The following NOP53 variants were observed in gnomAD, a reference collection of about 807,000 sequenced individuals.
NOP53 encodes ribosome biogenesis protein NOP53.
Under a neutral mutation model 61.0 loss-of-function variants are expected in NOP53, and 40 were observed. That is an observed-to-expected ratio of 0.66 (90% confidence interval 0.51 to 0.85). The LOEUF (loss-of-function observed/expected upper bound fraction) is 0.85, where lower values mean the gene tolerates loss of function less well. NOP53 is among the 40% of genes least tolerant of loss of function. The pLI is 0.00. For missense variants in NOP53, 689 were observed against 652.9 expected, an observed-to-expected ratio of 1.06 and a Z score of -0.60; for synonymous variants, 308 against 289.5, an observed-to-expected ratio of 1.06 and a Z score of -0.65.
rs778558768 is a variant in NOP53, at chr19:47,755,742, G to A, written c.1230-14G>A. The A allele has an allele frequency of 3.6e-5, 57 of 1,605,096 alleles. No homozygotes were observed. Among genetic ancestry groups the A allele is most frequent in the Non-Finnish European group, 4.6e-5 (54 of 1,176,476 alleles). ...GCGGGGGTGATATTTCTGAACACCC[G>A]CCCTGTTCTGCAGGTACCAGGCACC... On this transcript the variant is annotated splice_polypyrimidine_tract_variant and intron_variant, in intron 9 of 12. Transcript: ENST00000246802.
intron 2 of NOP53, among the ~76,000 whole-genome samples, chr19:47,748,573 A>G (rs1245768206): frequency 1.3e-5 from 2 of 152,072 alleles, no homozygotes; most frequent in African/African-American, 2.4e-5. Flanking sequence ...CCTGAGGTAC[A>G]GGAGACTTCC....
chr19:47,746,108 GTGTA>G (rs1285630661), intron 1 of NOP53: 15 of 381,420 alleles, frequency 3.9e-5, no homozygotes, highest in Non-Finnish European at 6.7e-5. Flanking sequence ...ATGTGTGTGT[GTGTA>G]TGTATATATG....
chr19:47,749,045 C>T (rs916965949), intron 2 of NOP53, among the ~76,000 whole-genome samples: 1 of 151,566 alleles, frequency 6.6e-6, no homozygotes, highest in African/African-American at 2.4e-5. Context: ...CCTGTAATTC[C>T]AGCTACTCAG....
intron 2 of NOP53, among the ~76,000 whole-genome samples, chr19:47,749,758 T>G (rs374852887): frequency 0.086 from 12,987 of 151,794 alleles, 753 homozygotes; most frequent in Non-Finnish European, 0.12. Flanking sequence ...CTTTTTTTTT[T>G]CCCCCTGAGA....
At chr19:47,751,684 C>T (rs1568599182) in intron 5 of NOP53, 94 bp downstream of exon 5, 2 of 987,306 alleles carry the variant, frequency 2.0e-6, no homozygotes, top group Non-Finnish European at 3.2e-6. Flanking sequence ...TCTCAGAGCC[C>T]TTCCATCCCA....
rs1568600899 is a variant in NOP53, at chr19:47,755,798, G to C, written c.1272G>C (p.Leu424=). ...TCGACGTGCAGCTGAGCTCGGAGCTGACAGACTCGCTCAGGACCCTGAAGG... is the reference window on the plus strand; with the variant it reads ...TCGACGTGCAGCTGAGCTCGGAGCTCACAGACTCGCTCAGGACCCTGAAGG... ...PDIDVQLSSE[L]TDSLRTLKPE... The change falls in exon 10 of 13, where the codon CTG becomes CTC. Residue 424 remains leucine, a synonymous_variant. Coordinates refer to ENST00000246802, the MANE Select transcript of NOP53 (RefSeq NM_015710.5). 2 of 1,610,342 alleles carry C rather than the reference G, an allele frequency of 1.2e-6. No individual in the cohort carries two copies. The highest frequency in any genetic ancestry group is 2.2e-5 in the East Asian group (1 of 44,764).
chr19:47,749,912 A>G (rs756323712), intron 2 of NOP53, among the ~76,000 whole-genome samples: 9 of 151,968 alleles, frequency 5.9e-5, no homozygotes, highest in Non-Finnish European at 1.2e-4. Flanking sequence ...AGACCCTCCT[A>G]TGTGGCTGTG....
intron 8 of NOP53, among the ~76,000 whole-genome samples, 173 bp from the exon 9 acceptor site, chr19:47,755,175 G>A (rs1334332864): frequency 1.3e-5 from 2 of 152,162 alleles, no homozygotes; most frequent in Admixed American, 6.5e-5. Context: ...ATGACAAAAG[G>A]GGCTTCAGCA....
rs1599915095 is a variant in NOP53 at position 47,750,032 on chromosome 19, C to T, written c.290-146C>T. On this transcript the variant is annotated intron_variant, in intron 2 of 12. Transcript: ENST00000246802. ...TGGGCCCCATCCTTAGGGGCCTCTA[C>T]CTCCAGGTAGGAGCCTGGGGACCTC... is the stretch of plus-strand genomic sequence containing the variant. 1.6e-5 allele frequency: 9 copies of T among 559,892 alleles called. No individual in the cohort carries two copies. The East Asian group carries it at 2.5e-4, about 15-fold the overall frequency. 34.7% of individuals were successfully genotyped at this position (559,892 alleles called of 1,614,324 possible). A position where few individuals can be genotyped will look rare whatever the true frequency, so the allele number is the denominator to read the frequency against.
intron 9 of NOP53, 72 bp downstream of exon 9, chr19:47,755,595 C>A: frequency 7.0e-7 from 1 of 1,419,862 alleles, no homozygotes; most frequent in Non-Finnish European, 9.4e-7. Context: ...CACCTTCCTG[C>A]CTTTGTTCAG....
At chr19:47,748,793 C>T (rs1001501274) in intron 2 of NOP53, among the ~76,000 whole-genome samples, 8 of 152,246 alleles carry the variant, frequency 5.3e-5, no homozygotes, top group African/African-American at 9.6e-5. Flanking sequence ...TACTGAGAAG[C>T]GCTTGAACCC....
chr19:47,748,752 G>A (rs749858933), intron 2 of NOP53, among the ~76,000 whole-genome samples: 2 of 151,916 alleles, frequency 1.3e-5, no homozygotes, highest in Non-Finnish European at 2.9e-5. Flanking sequence ...AAAACTAGCC[G>A]GACGTCATGG....
At position 47,750,281 on chromosome 19, in the gene NOP53, C is replaced by G. The variant is rs779586743; in HGVS notation, c.393C>G (p.Pro131=). Residue 131 remains proline, a synonymous_variant, in exon 3 of 13, where the codon CCC becomes CCG. Transcript: ENST00000246802. ...AGAACACATCCAAAGTCCCTGCCCC[C>G]AAAGAGTGAGTGTCCCAGCATCCCT... ...ILENTSKVPA[P]KDVLAHQVPN... is the part of the protein sequence containing the mutation. The G allele has an allele frequency of 2.5e-6, 4 of 1,582,358 alleles. No individual in the cohort carries two copies. The South Asian group carries it at 3.3e-5, about 13-fold the overall frequency.
chr19:47,751,066 A>T lies in NOP53; in HGVS notation c.557A>T (p.Asp186Val). Residue 186 changes from aspartate to valine, a missense_variant, in exon 4 of 13, where the codon GAC becomes GTC. Transcript: ENST00000246802. ...SATRAKPGPQ[D>V]TVERPFYDLW... ...ACAAGGGCCAAGCCCGGGCCCCAGG[A>T]CACCGTAGAGCGGCCCTTCTACGAC... 6.2e-7 allele frequency: 1 copy of T among 1,608,942 alleles called. No individual in the cohort carries two copies. The highest frequency in any genetic ancestry group is 8.5e-7 in the Non-Finnish European group (1 of 1,178,436).
chr19:47,745,884 CGGGGGT>C (rs1967056824), intron 1 of NOP53, 101 bp downstream of exon 1: 1 of 191,400 alleles, frequency 5.2e-6, no homozygotes, highest in Non-Finnish European at 8.3e-6. Flanking sequence ...GGTCGGGGGT[CGGGGGT>C]TGGGGGCTCC....
chr19:47,745,680 C>A lies in NOP53; in HGVS notation c.121C>A (p.Pro41Thr). ...AGCGCTGAGGCGGCGGCGGCGAGGC[C>A]CAAGAAATAAGAAGCGGGGCTGGCG... is the stretch of plus-strand genomic sequence containing the variant. ...DPALRRRRRGPRNKKRGWRRL... is the reference protein window; with the variant it reads ...DPALRRRRRGTRNKKRGWRRL... The change falls in exon 1 of 13, where the codon CCA becomes ACA. Residue 41 changes from proline (P) to threonine (T), a missense_variant. Physicochemically the swap from Pro to Thr is conservative, Grantham distance 38. Transcript: ENST00000246802. 1 of 1,613,170 alleles carries A rather than the reference C, an allele frequency of 6.2e-7. No individual in the cohort carries two copies. Among genetic ancestry groups the A allele is most frequent in the Admixed American group, 1.7e-5 (1 of 59,950 alleles).
chr19:47,756,146 C>T, intron 10 of NOP53: 1 of 513,484 alleles, frequency 1.9e-6, no homozygotes, highest in Non-Finnish European at 3.5e-6. Context: ...CTGTGGCTCC[C>T]CAGTGCCCCT....
intron 8 of NOP53, 72 bp from the exon 9 acceptor site, chr19:47,755,276 C>G (rs1967176361): frequency 9.4e-7 from 1 of 1,062,208 alleles, no homozygotes; most frequent in East Asian, 3.0e-5. Context: ...AGGGAAGGCT[C>G]CCTGTGTAGA....
At chr19:47,750,879 C>G in intron 3 of NOP53, 29 bp from the exon 4 acceptor site, 1 of 1,553,508 alleles carries the variant, frequency 6.4e-7, no homozygotes, top group Non-Finnish European at 8.7e-7. Flanking sequence ...ACCTCACCTG[C>G]TGCACTTGTG....
Sources: gnomAD v4.1 joint callset for allele counts (sites outside exome capture counted in the v4.1 genomes callset) on GRCh38, gnomAD v4.1.1 for gene constraint, MANE v1.5 for transcripts, NCBI Gene and HGNC (gene_info 2026-07-23, HGNC 2026-07-21) for gene names.